The following MTCL1 variants were observed in gnomAD, a reference collection of about 807,000 sequenced individuals.
MTCL1 encodes microtubule cross-linking factor 1.
A neutral mutation model predicts 141.4 loss-of-function variants in MTCL1; 79 were observed. The ratio of observed to expected loss-of-function variants is 0.56; its 90% CI spans 0.47 to 0.67. The LOEUF is 0.67. MTCL1 is among the 30% of genes least tolerant of loss of function. MTCL1 has a pLI of 0.00. For synonymous variants in MTCL1, 914 were observed against 875.8 expected (o/e 1.04, Z -0.77); for missense variants, 2,177 against 2,113.9 (o/e 1.03, Z -0.59).
intron 10 of MTCL1, among the ~76,000 whole-genome samples, chr18:8,804,437 G>T (rs991416020): frequency 6.6e-6 from 1 of 152,048 alleles, no homozygotes; most frequent in East Asian, 1.9e-4. Flanking sequence ...ACTTTTTGAC[G>T]TGGAATTTTA....
exon 4 of MTCL1, chr18:8,720,350 G>T (rs749282004): frequency 6.2e-7 from 1 of 1,614,100 alleles, no homozygotes; most frequent in East Asian, 2.2e-5. Flanking sequence ...AGCCAAAGAT[G>T]TATCTGTCAG....
At chr18:8,730,242 A>T (rs2017162) in intron 4 of MTCL1, among the ~76,000 whole-genome samples, 70,208 of 151,644 alleles carry the variant, frequency 0.46, 16,827 homozygotes, top group East Asian at 0.63. Flanking sequence ...CAGCCAGCAG[A>T]TCCGAATCCC....
At chr18:8,789,582 AAC>A in intron 7 of MTCL1, 2 of 985,448 alleles carry the variant, frequency 2.0e-6, no homozygotes, top group Non-Finnish European at 2.4e-6. Flanking sequence ...GGAGTTCCGG[AAC>A]ACTGACGTGG....
chr18:8,730,782 C>T (rs2096246136), intron 4 of MTCL1, among the ~76,000 whole-genome samples: 1 of 152,222 alleles, frequency 6.6e-6, no homozygotes, highest in Admixed American at 6.5e-5. Flanking sequence ...CATTACTTTG[C>T]AGACTTCCTG....
intron 10 of MTCL1, among the ~76,000 whole-genome samples, chr18:8,804,970 G>C (rs2144073963): frequency 7.5e-6 from 1 of 134,158 alleles, no homozygotes; most frequent in South Asian, 2.6e-4. Flanking sequence ...CTGGGTGACA[G>C]AGCGAGACCT....
exon 6 of MTCL1, chr18:8,783,687 C>A: frequency 6.2e-7 from 1 of 1,610,730 alleles, no homozygotes; most frequent in Non-Finnish European, 8.5e-7. Flanking sequence ...AGTCCCCTGC[C>A]CACGGGGGAA....
At chr18:8,725,715 G>A (rs80137083) in intron 4 of MTCL1, among the ~76,000 whole-genome samples, 11 of 53,798 alleles carry the variant, frequency 2.0e-4, no homozygotes, top group African/African-American at 1.3e-3. Context: ...TTATAATTGC[G>A]CATTTTAATT....
chr18:8,750,429 TC>T (rs1218354894), intron 4 of MTCL1, among the ~76,000 whole-genome samples: 4 of 152,130 alleles, frequency 2.6e-5, no homozygotes, highest in African/African-American at 9.7e-5. Flanking sequence ...AGGGTGCCCC[TC>T]CTCCAGGGTG....
At chr18:8,747,535 G>C (rs530035197) in intron 4 of MTCL1, among the ~76,000 whole-genome samples, 2 of 152,330 alleles carry the variant, frequency 1.3e-5, no homozygotes, top group African/African-American at 4.8e-5. Flanking sequence ...AGTCTCAGCT[G>C]CCTTCTCTGT....
At chr18:8,800,825 T>C (rs1451457966) in intron 10 of MTCL1, 3 of 152,154 alleles carry the variant, frequency 2.0e-5, no homozygotes, top group African/African-American at 7.2e-5. Context: ...AACAGCTTGT[T>C]TTCCCTACTT....
intron 4 of MTCL1, among the ~76,000 whole-genome samples, chr18:8,761,525 C>T (rs150525066): frequency 1.1e-4 from 17 of 152,302 alleles, no homozygotes; most frequent in African/African-American, 3.6e-4. Flanking sequence ...CCCTGGTGAC[C>T]TCTGTTCTTT....
At chr18:8,767,026 C>G (rs2096462921) in intron 4 of MTCL1, among the ~76,000 whole-genome samples, 1 of 152,196 alleles carries the variant, frequency 6.6e-6, no homozygotes, top group African/African-American at 2.4e-5. Context: ...CATCCTGTGC[C>G]TCTCCCTGCA....
intron 4 of MTCL1, among the ~76,000 whole-genome samples, chr18:8,736,154 C>T (rs914835032): frequency 3.9e-5 from 6 of 152,114 alleles, no homozygotes; most frequent in African/African-American, 1.4e-4. Flanking sequence ...TTGAAAGGTA[C>T]ACCATTAGGA....
At chr18:8,814,385 G>A (rs1170833416) in intron 12 of MTCL1, among the ~76,000 whole-genome samples, 1 of 152,130 alleles carries the variant, frequency 6.6e-6, no homozygotes. Flanking sequence ...TAGAAAAGCT[G>A]AAACTCTTCG....
Position 8,829,891 on chromosome 18 carries a change from TCA to T in MTCL1, c.*18+930_*18+931del, listed in dbSNP as rs1438797920. On this transcript the variant is annotated intron_variant, in intron 16 of 16. Coordinates refer to ENST00000359865, the Ensembl canonical transcript of MTCL1. ...AAGGTTGATTCCCTTGAATGCAGACTCACAGTGATTCTTCCTTCACAAGCAGA... is the reference window on the plus strand; with the variant it reads ...AAGGTTGATTCCCTTGAATGCAGACTCAGTGATTCTTCCTTCACAAGCAGA... 11 of 984,986 alleles carry T rather than the reference TCA, an allele frequency of 1.1e-5. No homozygotes were observed. In the East Asian group the frequency reaches 9.1e-4, roughly 81 times the overall value. The allele number at this position is 984,986 out of a possible 1,614,324, so 61.0% of individuals were successfully genotyped here.
At chr18:8,831,972 T>C (rs2077205327) in exon 17 of MTCL1, 2 of 804,192 alleles carry the variant, frequency 2.5e-6, no homozygotes, top group Admixed American at 5.7e-5. Context: ...GAGATGTTTC[T>C]AGAATGAAAC....
chr18:8,806,949 T>G lies in MTCL1; in HGVS notation c.2493T>G (p.Arg831=), dbSNP rs760600646. 7.4e-6 allele frequency: 12 copies of G among 1,613,654 alleles called. No individual in the cohort carries two copies. The African/African-American group carries it at 1.6e-4, about 22-fold the overall frequency. ...TCAAGGCCTTGCTGGAGGACTTCCG[T>G]GCGGAGCTGCGGGAGGATGAGCGTG... is the stretch of plus-strand genomic sequence containing the variant. The change falls in exon 11 of 17, where the codon CGT becomes CGG. Residue 831 remains arginine, a synonymous_variant. Transcript: ENST00000359865.
At chr18:8,784,118 G>A in exon 6 of MTCL1, 1 of 1,613,578 alleles carries the variant, frequency 6.2e-7, no homozygotes, top group Non-Finnish European at 8.5e-7. Context: ...CCCCCTGCAG[G>A]AGGAGCTGAA....
At position 8,784,291 on chromosome 18, in the gene MTCL1, G is replaced by A. The variant is rs756272053; in HGVS notation, c.1179G>A (p.Lys393=). ...GCGATGCCGAGAGTGATGCGGGCAA[G>A]AAGGAGAGTGATGGGGAGGAGAGCC... Residue 393 remains lysine, a synonymous_variant, in exon 6 of 17, where the codon AAG becomes AAA. Coordinates refer to ENST00000359865, the Ensembl canonical transcript of MTCL1. 1.3e-5 allele frequency: 20 copies of A among 1,583,572 alleles called. No homozygotes were observed. In the South Asian group the frequency reaches 2.2e-4, roughly 17 times the overall value.
Sources: gnomAD v4.1 joint callset for allele counts (sites outside exome capture counted in the v4.1 genomes callset) on GRCh38, gnomAD v4.1.1 for gene constraint, MANE v1.5 for transcripts, NCBI Gene and HGNC (gene_info 2026-07-23, HGNC 2026-07-21) for gene names.